The following DOP1B variants were observed in gnomAD, a reference collection of about 807,000 sequenced individuals.
The protein encoded by DOP1B is DOP1 leucine zipper like protein B, also known as protein DOP1B.
DOP1B carries 174 observed loss-of-function variants against 233.5 expected under a neutral mutation model. The ratio of observed to expected loss-of-function variants is 0.75; its 90% CI spans 0.66 to 0.85. DOP1B has a LOEUF of 0.85. Among genes scored for constraint, DOP1B ranks in the 40% least tolerant of loss-of-function variants. The probability of loss-of-function intolerance (pLI) is 0.00; values close to 1 mark genes in which losing one functional copy is unlikely to be tolerated. For missense variants in DOP1B, 2,652 were observed against 2,846.6 expected (o/e 0.93, Z 1.56); for synonymous variants, 1,190 against 1,185.6 (o/e 1.00, Z -0.08).
intron 21 of DOP1B, among the ~76,000 whole-genome samples, chr21:36,250,096 GC>G (rs574204813): frequency 6.3e-4 from 96 of 152,142 alleles, no homozygotes; most frequent in African/African-American, 2.3e-3. Flanking sequence ...TACGATAAAG[GC>G]CGATGCTCAT....
chr21:36,260,342 T>C (rs1384678263), intron 23 of DOP1B, among the ~76,000 whole-genome samples: 2 of 152,142 alleles, frequency 1.3e-5, no homozygotes, highest in African/African-American at 2.4e-5. Flanking sequence ...ATGCATTCAC[T>C]GGAGTCAACA....
Position 36,277,984 on chromosome 21 carries a change from TC to T in DOP1B, c.5725del (p.Leu1909SerfsTer17). 1.2e-6 allele frequency: 2 copies of T among 1,614,032 alleles called. No individual in the cohort carries two copies. The highest frequency in any genetic ancestry group is 8.5e-7 in the Non-Finnish European group (1 of 1,179,958). The part of the protein sequence containing the change: ...ALSLLAEVLA[S>X]LLDMVYRSDE... The stretch of plus-strand genomic sequence containing the variant: ...GGCCTTGTTCTTTTAGGTACTGGCT[TC>T]CCTCCTGGACATGGTTTATCGAAGT... On this transcript the variant is annotated frameshift_variant, in exon 29 of 37. Coordinates refer to ENST00000691173, the MANE Select transcript of DOP1B (RefSeq NM_001320714.2). LOFTEE classifies it high-confidence loss of function.
chr21:36,166,859 C>CTTA (rs1478170815), intron 2 of DOP1B, among the ~76,000 whole-genome samples: 1 of 152,216 alleles, frequency 6.6e-6, no homozygotes, highest in African/African-American at 2.4e-5. Context: ...AGCTCGTGGC[C>CTTA]AGTAAGCTGC....
At chr21:36,262,991 T>C (rs1257073701) in intron 24 of DOP1B, among the ~76,000 whole-genome samples, 1 of 151,830 alleles carries the variant, frequency 6.6e-6, no homozygotes, top group Admixed American at 6.6e-5. Flanking sequence ...TCCCAGCACT[T>C]TGGGAGGCCG....
At position 36,248,527 on chromosome 21, in the gene DOP1B, G is replaced by T. The variant is rs2066995203; in HGVS notation, c.4957G>T (p.Ala1653Ser). The change falls in exon 21 of 37, where the codon GCC becomes TCC. Residue 1653 changes from alanine (A) to serine (S), a missense_variant. By Grantham distance (99) the Ala-to-Ser change is moderately conservative. Coordinates refer to ENST00000691173, the MANE Select transcript of DOP1B (RefSeq NM_001320714.2). The part of the protein sequence containing the change: ...TQKRPVDLLG[A>S]TKGSSSVYFK... ...AAAGAGACCTGTCGATCTCCTAGGG[G>T]CCACGAAGGGATCCTCTTCCGTTTA... 1 of 1,612,710 alleles carries T rather than the reference G, an allele frequency of 6.2e-7. No homozygotes were observed. Among genetic ancestry groups the T allele is most frequent in the African/African-American group, 1.3e-5 (1 of 74,826 alleles).
chr21:36,280,401 T>A (rs2067402207), intron 31 of DOP1B, 55 bp downstream of exon 31: 2 of 1,313,868 alleles, frequency 1.5e-6, no homozygotes, highest in South Asian at 2.5e-5. Flanking sequence ...AATGCCAATA[T>A]AACCAGCTTT....
At chr21:36,173,472 A>C (rs1601381073) in intron 2 of DOP1B, among the ~76,000 whole-genome samples, 1 of 145,464 alleles carries the variant, frequency 6.9e-6, no homozygotes, top group South Asian at 2.2e-4. Flanking sequence ...CCCAGGCTGG[A>C]GTGCAGCGGC....
rs1395303580 is a variant in DOP1B at position 36,223,269 on chromosome 21, A to G, written c.1289A>G (p.Lys430Arg). The change falls in exon 11 of 37, where the codon AAA (lysine) becomes AGA (arginine). Residue 430 changes from lysine (K) to arginine (R), a missense_variant. Lys to Arg is a conservative substitution (Grantham distance 26). This residue lies in a region of DOP1B where 2,617 missense variants were observed against 2,794.3 expected (regional missense o/e 0.94). Transcript: ENST00000691173. ...KENRNASEIV[K>R]TVNLLITSLS... ...AACAGAAATGCCTCTGAGATTGTCA[A>G]AACGGTAAATTTGCTGATAACTTCT... 2.5e-6 allele frequency: 4 copies of G among 1,608,612 alleles called. No individual in the cohort carries two copies. In the East Asian group the frequency reaches 6.8e-5, roughly 27 times the overall value.
intron 21 of DOP1B, among the ~76,000 whole-genome samples, chr21:36,249,451 C>T (rs984338736): frequency 6.6e-6 from 1 of 152,044 alleles, no homozygotes; most frequent in Admixed American, 6.6e-5. Flanking sequence ...TCTAGTGGTT[C>T]AAAGCGGGGA....
chr21:36,184,087 C>T (rs1311636648), intron 2 of DOP1B, among the ~76,000 whole-genome samples: 4 of 151,804 alleles, frequency 2.6e-5, no homozygotes, highest in Admixed American at 1.3e-4. Context: ...CATACTCTGT[C>T]GTCCAGGCTG....
At chr21:36,243,129 G>A (rs999723052) in intron 18 of DOP1B, among the ~76,000 whole-genome samples, 1 of 151,922 alleles carries the variant, frequency 6.6e-6, no homozygotes, top group East Asian at 1.9e-4. Context: ...ACAGGCACGC[G>A]CCGCCACGCC....
At chr21:36,235,974 A>G (rs1208304034) in intron 15 of DOP1B, among the ~76,000 whole-genome samples, 2 of 152,040 alleles carry the variant, frequency 1.3e-5, no homozygotes, top group East Asian at 3.9e-4. Flanking sequence ...AATGGTTAGG[A>G]GTTTGAGCCA....
At chr21:36,236,901 CA>C (rs1449185644) in intron 15 of DOP1B, among the ~76,000 whole-genome samples, 1 of 151,270 alleles carries the variant, frequency 6.6e-6, no homozygotes, top group African/African-American at 2.4e-5. Context: ...TCTCCTGCCT[CA>C]CCCTCCCAAG....
At chr21:36,159,966 G>C (rs1037885343) in intron 1 of DOP1B, among the ~76,000 whole-genome samples, 9 of 152,062 alleles carry the variant, frequency 5.9e-5, no homozygotes, top group Non-Finnish European at 8.8e-5. Context: ...ATGTATTTAG[G>C]TACTTCCACT....
At chr21:36,292,273 G>T (rs9978153) in intron 36 of DOP1B, 40 bp downstream of exon 36, 545,750 of 1,381,582 alleles carry the variant, frequency 0.4, 105,910 homozygotes, top group Middle Eastern at 0.41. Flanking sequence ...TTTTTTTTTG[G>T]TGAGACAGAG....
intron 30 of DOP1B, among the ~76,000 whole-genome samples, chr21:36,278,742 A>T (rs544804876): frequency 6.6e-6 from 1 of 151,952 alleles, no homozygotes; most frequent in South Asian, 2.1e-4. Context: ...GGCAGCGCAC[A>T]CCTGTAGTTC....
At chr21:36,208,633 C>T in intron 4 of DOP1B, 82 bp from the exon 5 acceptor site, 2 of 1,436,670 alleles carry the variant, frequency 1.4e-6, no homozygotes, top group Non-Finnish European at 9.4e-7. Flanking sequence ...TGTGGTTCTT[C>T]ATGCAGCATT....
intron 21 of DOP1B, among the ~76,000 whole-genome samples, chr21:36,250,060 C>T (rs1183254369): frequency 1.3e-5 from 2 of 152,134 alleles, no homozygotes; most frequent in African/African-American, 2.4e-5. Context: ...AGCATCCTGT[C>T]CTCATGGGTT....
At position 36,245,394 on chromosome 21, in the gene DOP1B, G is replaced by A. The variant is rs754436163; in HGVS notation, c.3414G>A (p.Leu1138=). ...CCCCTTCCCACGACCTGCAGGAGCTGAGCAACGAAGAGAACTGCTGTGCAC... is the reference window on the plus strand; with the variant it reads ...CCCCTTCCCACGACCTGCAGGAGCTAAGCAACGAAGAGAACTGCTGTGCAC... The part of the protein sequence containing the change: ...FSSPSHDLQE[L]SNEENCCAPI... The change falls in exon 19 of 37, where the codon CTG becomes CTA. Residue 1138 remains leucine, a synonymous_variant. Coordinates refer to ENST00000691173, the MANE Select transcript of DOP1B (RefSeq NM_001320714.2). This position sits in a 1 kb window ranked among gnomAD's most constrained non-coding sequence, Gnocchi z 5.5. 6.2e-7 allele frequency: 1 copy of A among 1,614,082 alleles called. No individual in the cohort carries two copies.
Sources: gnomAD v4.1 joint callset for allele counts (sites outside exome capture counted in the v4.1 genomes callset) on GRCh38, gnomAD v4.1.1 for gene constraint, gnomAD v4.1.1 regional missense constraint, Gnocchi (gnomAD v3.1) non-coding constraint, MANE v1.5 for transcripts, NCBI Gene and HGNC (gene_info 2026-07-23, HGNC 2026-07-21) for gene names.